Variants in LRIG1 observed in about 807,000 individuals in gnomAD.
LRIG1 encodes the protein leucine-rich repeats and immunoglobulin-like domains protein 1.
LRIG1 carries 48 observed loss-of-function variants against 99.2 expected under a neutral mutation model. The ratio of observed to expected loss-of-function variants is 0.48; its 90% CI spans 0.38 to 0.62. The LOEUF (loss-of-function observed/expected upper bound fraction) is 0.62. LRIG1 is among the 20% of genes least tolerant of loss of function. The pLI is 0.00. For synonymous variants in LRIG1, 772 were observed against 596.1 expected (o/e 1.29, Z -4.30); for missense variants, 1,646 against 1,434.4 (o/e 1.15, Z -2.38).
intron 17 of LRIG1, chr3:66,381,068 T>G: frequency 1.7e-6 from 1 of 605,628 alleles, no homozygotes; most frequent in Non-Finnish European, 2.9e-6. Flanking sequence ...GTCTTTCGTG[T>G]TTACAGTGAA....
intron 9 of LRIG1, chr3:66,404,421 C>G: frequency 2.5e-6 from 3 of 1,215,396 alleles, no homozygotes; most frequent in Non-Finnish European, 3.1e-6. Flanking sequence ...GACTCTCGTC[C>G]CCTTCCTGCA....
At chr3:66,497,763 A>G (rs1575739079) in intron 1 of LRIG1, among the ~76,000 whole-genome samples, 1 of 151,082 alleles carries the variant, frequency 6.6e-6, no homozygotes, top group East Asian at 1.9e-4. Context: ...TGCTATCTCA[A>G]ACCCACAGCC....
At chr3:66,462,682 C>A (rs1216664303) in intron 1 of LRIG1, among the ~76,000 whole-genome samples, 173 bp from the exon 2 acceptor site, 1 of 151,944 alleles carries the variant, frequency 6.6e-6, no homozygotes, top group East Asian at 1.9e-4. Flanking sequence ...CCCCTCCCCA[C>A]CTACATCCAT....
At chr3:66,499,952 A>AGACCCGG (rs1201923598) in intron 1 of LRIG1, among the ~76,000 whole-genome samples, 1 of 150,468 alleles carries the variant, frequency 6.6e-6, no homozygotes, top group Admixed American at 6.6e-5. Flanking sequence ...GCTCGTCTCC[A>AGACCCGG]GACCCCACGA....
chr3:66,404,719 C>T (rs999082738), intron 9 of LRIG1, among the ~76,000 whole-genome samples: 24 of 152,136 alleles, frequency 1.6e-4, no homozygotes, highest in Admixed American at 1.4e-3. Context: ...GAAAAAGACC[C>T]CAAACCATAC....
chr3:66,424,223 G>A (rs1702905942), intron 3 of LRIG1, among the ~76,000 whole-genome samples: 1 of 152,092 alleles, frequency 6.6e-6, no homozygotes, highest in South Asian at 2.1e-4. Context: ...CCAGCATCTG[G>A]ATGACACCCC....
chr3:66,491,180 T>A (rs899668751), intron 1 of LRIG1, among the ~76,000 whole-genome samples: 1 of 152,088 alleles, frequency 6.6e-6, no homozygotes, highest in Non-Finnish European at 1.5e-5. Context: ...AGCTGGAGGG[T>A]CAGGCCTTAC....
chr3:66,415,660 C>A (rs1035696594), intron 4 of LRIG1, among the ~76,000 whole-genome samples: 2 of 152,182 alleles, frequency 1.3e-5, no homozygotes, highest in Non-Finnish European at 2.9e-5. Context: ...ATGGTACCTA[C>A]ACTTACAGCG....
intron 3 of LRIG1, among the ~76,000 whole-genome samples, chr3:66,425,696 T>C (rs558236800): frequency 4.6e-5 from 7 of 152,252 alleles, no homozygotes; most frequent in South Asian, 2.1e-4. Context: ...TCTGCACTTA[T>C]GGGGACCGGG....
At chr3:66,454,680 G>C (rs1008174593) in intron 2 of LRIG1, among the ~76,000 whole-genome samples, 2 of 152,200 alleles carry the variant, frequency 1.3e-5, no homozygotes, top group African/African-American at 4.8e-5. Flanking sequence ...CCTGGGGCTA[G>C]AGAAGGTGTA....
At chr3:66,461,158 A>T (rs1700346234) in intron 2 of LRIG1, among the ~76,000 whole-genome samples, 1 of 152,192 alleles carries the variant, frequency 6.6e-6, no homozygotes, top group South Asian at 2.1e-4. Flanking sequence ...TAAAAAAATT[A>T]GCTGGATGTG....
chr3:66,492,439 A>G (rs2280575), intron 1 of LRIG1, among the ~76,000 whole-genome samples: 30,740 of 152,098 alleles, frequency 0.2, 4,060 homozygotes, highest in Non-Finnish European at 0.3. Flanking sequence ...CAGCTAAAAA[A>G]AAGAAGAAAA....
intron 2 of LRIG1, among the ~76,000 whole-genome samples, chr3:66,458,219 G>T (rs142561572): frequency 6.6e-6 from 1 of 152,130 alleles, no homozygotes; most frequent in Non-Finnish European, 1.5e-5. Flanking sequence ...GGGCTCAAGC[G>T]ATCTTGAGGC....
rs1037551513 is a variant in LRIG1 at position 66,379,503 on chromosome 3, A to G, written c.*760T>C. 1.3e-5 allele frequency: 2 copies of G among 152,202 alleles called. No individual in the cohort carries two copies. The highest frequency in any genetic ancestry group is 2.9e-5 in the Non-Finnish European group (2 of 68,044). 9.4% of individuals were successfully genotyped at this position (152,202 alleles called of 1,614,324 possible). On this transcript the variant is annotated 3_prime_UTR_variant, in exon 19 of 19. Coordinates refer to ENST00000273261, the MANE Select transcript of LRIG1 (RefSeq NM_015541.3). ...CCACATTTGCTTTTATCATAAAATA[A>G]GAGGAGGAGGAAAGGCAGTGTTTAA...
chr3:66,472,053 C>G (rs1029833590), intron 1 of LRIG1, among the ~76,000 whole-genome samples: 2 of 152,042 alleles, frequency 1.3e-5, no homozygotes, highest in African/African-American at 4.8e-5. Flanking sequence ...GCCTGTAATC[C>G]CAGCACTTTG....
intron 4 of LRIG1, among the ~76,000 whole-genome samples, chr3:66,415,278 C>T (rs528051749): frequency 3.3e-5 from 5 of 152,188 alleles, no homozygotes; most frequent in South Asian, 2.1e-4. Context: ...AGGGCAAGGC[C>T]GATTTAGTCG....
Position 66,500,609 on chromosome 3 carries a change from G to C in LRIG1, c.-202C>G, listed in dbSNP as rs902613273. The C allele has an allele frequency of 2.9e-6, 1 of 342,946 alleles. No individual in the cohort carries two copies. Among genetic ancestry groups the C allele is most frequent in the Non-Finnish European group, 5.2e-6 (1 of 191,402 alleles). 21.2% of individuals were successfully genotyped at this position (342,946 alleles called of 1,614,324 possible). ...CCGGGCCGCTCCGGAGCACCCGGCG[G>C]GGGCCGCAAACCCCGCGCCCATCCG... On this transcript the variant is annotated 5_prime_UTR_variant, in exon 1 of 19. Transcript: ENST00000273261.
At chr3:66,496,634 C>A (rs1701233880) in intron 1 of LRIG1, among the ~76,000 whole-genome samples, 1 of 152,194 alleles carries the variant, frequency 6.6e-6, no homozygotes, top group Non-Finnish European at 1.5e-5. Context: ...AACCCAGGTT[C>A]TTCCCTGTCC....
In LRIG1 at chr3:66,394,190, C is replaced by T. The variant is rs533699532; in HGVS notation, c.1318G>A (p.Asp440Asn). The T allele has an allele frequency of 1.0e-4, 159 of 1,597,690 alleles. No individual in the cohort carries two copies. In the South Asian group the frequency reaches 1.5e-3, roughly 15 times the overall value. ...KNLKELHISS[D>N]SFLCDCQLKW... ...AGCTGGCAGTCACACAGGAAGCTGT[C>T]GCTGCTGATATGGCTGAAAGAAACA... Residue 440 changes from aspartate to asparagine, a missense_variant, in exon 12 of 19, where the codon GAC becomes AAC. Coordinates refer to ENST00000273261, the MANE Select transcript of LRIG1 (RefSeq NM_015541.3).
Sources: allele counts gnomAD v4.1 joint callset (sites outside exome capture counted in the v4.1 genomes callset), GRCh38; gene constraint gnomAD v4.1.1; transcripts MANE v1.5; gene names NCBI Gene and HGNC (gene_info 2026-07-23, HGNC 2026-07-21).